FAM171A1: variants seen among roughly 807,000 people sequenced by gnomAD.
FAM171A1 encodes the protein family with sequence similarity 171 member A1, also known as protein FAM171A1.
FAM171A1 carries 23 observed loss-of-function variants against 74.9 expected under a neutral mutation model. The observed-to-expected ratio is 0.31, with a 90% confidence interval of 0.22 to 0.44. The LOEUF (loss-of-function observed/expected upper bound fraction) is 0.44, where lower values mean the gene tolerates loss of function less well. Among genes scored for constraint, FAM171A1 ranks in the 20% least tolerant of loss-of-function variants. The pLI, the probability that FAM171A1 is intolerant of heterozygous loss-of-function variation, is 1.00. For synonymous variants in FAM171A1, 527 were observed against 505.7 expected, an observed-to-expected ratio of 1.04 and a Z score of -0.57; for missense variants, 1,162 against 1,159.2, an observed-to-expected ratio of 1.00 and a Z score of -0.03.
intron 1 of FAM171A1, among the ~76,000 whole-genome samples, chr10:15,329,345 C>A (rs970851495): frequency 6.6e-6 from 1 of 152,176 alleles, no homozygotes; most frequent in Non-Finnish European, 1.5e-5. Context: ...AGGTGAAATT[C>A]AATTCAGAAT....
At chr10:15,359,617 A>C (rs1255752216) in intron 1 of FAM171A1, among the ~76,000 whole-genome samples, 2 of 152,172 alleles carry the variant, frequency 1.3e-5, no homozygotes, top group African/African-American at 4.8e-5. Context: ...CATTGTGTTA[A>C]AAAGGGACTG....
intron 6 of FAM171A1, 22 bp downstream of exon 6, chr10:15,220,922 G>T: frequency 6.4e-7 from 1 of 1,573,230 alleles, no homozygotes. Context: ...CCGCATCATC[G>T]CAAGTGTTGG....
intron 1 of FAM171A1, among the ~76,000 whole-genome samples, chr10:15,302,743 AG>A (rs567225221): frequency 2.2e-4 from 33 of 152,358 alleles, no homozygotes; most frequent in African/African-American, 7.0e-4. Flanking sequence ...TATGCTAATT[AG>A]GTTGCCAGTT....
At chr10:15,234,685 C>G (rs1757136148) in intron 5 of FAM171A1, among the ~76,000 whole-genome samples, 1 of 150,812 alleles carries the variant, frequency 6.6e-6, no homozygotes, top group African/African-American at 2.4e-5. Flanking sequence ...CGGAGTCTTG[C>G]TCTGTCGCCC....
chr10:15,363,895 C>A (rs1400311165), intron 1 of FAM171A1, among the ~76,000 whole-genome samples: 1 of 152,200 alleles, frequency 6.6e-6, no homozygotes, highest in Non-Finnish European at 1.5e-5. Context: ...CAGCGCTCCT[C>A]CCTCATCAGC....
At chr10:15,269,112 A>C (rs1462660653) in intron 3 of FAM171A1, among the ~76,000 whole-genome samples, 1 of 152,032 alleles carries the variant, frequency 6.6e-6, no homozygotes, top group African/African-American at 2.4e-5. Flanking sequence ...TTTTTTATTT[A>C]TTTATTTATT....
chr10:15,357,818 T>C (rs1835951579), intron 1 of FAM171A1, among the ~76,000 whole-genome samples: 1 of 152,164 alleles, frequency 6.6e-6, no homozygotes, highest in Non-Finnish European at 1.5e-5. Context: ...CTAAGTGATG[T>C]GTATGGGTAT....
chr10:15,357,364 A>G (rs533391019), intron 1 of FAM171A1, among the ~76,000 whole-genome samples: 127 of 152,358 alleles, frequency 8.3e-4, no homozygotes, highest in Middle Eastern at 3.4e-3. Context: ...AATAAACCAG[A>G]GTACCAGAGT....
chr10:15,322,128 C>T (rs1835494233), intron 1 of FAM171A1, among the ~76,000 whole-genome samples: 1 of 152,174 alleles, frequency 6.6e-6, no homozygotes, highest in Non-Finnish European at 1.5e-5. Flanking sequence ...CTTTTAAACC[C>T]TTTGCAGAGA....
At chr10:15,261,930 C>T (rs1343800661) in intron 3 of FAM171A1, among the ~76,000 whole-genome samples, 1 of 152,068 alleles carries the variant, frequency 6.6e-6, no homozygotes, top group Non-Finnish European at 1.5e-5. Context: ...ATAGCCTGGG[C>T]AACATAGACC....
chr10:15,348,518 G>C (rs535334216), intron 1 of FAM171A1, among the ~76,000 whole-genome samples: 1 of 152,308 alleles, frequency 6.6e-6, no homozygotes, highest in East Asian at 1.9e-4. Flanking sequence ...AGAACTGACT[G>C]CAGTGTAACT....
At chr10:15,327,753 G>C (rs1317275729) in intron 1 of FAM171A1, among the ~76,000 whole-genome samples, 4 of 151,984 alleles carry the variant, frequency 2.6e-5, no homozygotes, top group African/African-American at 9.7e-5. Flanking sequence ...GGAAATAACA[G>C]ACACATGGGC....
intron 5 of FAM171A1, among the ~76,000 whole-genome samples, chr10:15,226,799 GT>G (rs1834113797): frequency 1.3e-5 from 2 of 151,994 alleles, no homozygotes; most frequent in South Asian, 4.2e-4. Flanking sequence ...CTACCCTCAT[GT>G]TTATTTCCCT....
intron 2 of FAM171A1, among the ~76,000 whole-genome samples, chr10:15,278,500 C>A (rs1834923646): frequency 6.6e-6 from 1 of 152,142 alleles, no homozygotes; most frequent in Non-Finnish European, 1.5e-5. Context: ...AGACAACACA[C>A]GTAAATGTCT....
chr10:15,326,533 C>T (rs1245234504), intron 1 of FAM171A1, among the ~76,000 whole-genome samples: 2 of 151,836 alleles, frequency 1.3e-5, no homozygotes, highest in South Asian at 2.1e-4. Context: ...CAGGCGGTCT[C>T]GAACTCCTGA....
chr10:15,265,007 A>G (rs192658075), intron 3 of FAM171A1, among the ~76,000 whole-genome samples: 1 of 152,270 alleles, frequency 6.6e-6, no homozygotes, highest in East Asian at 1.9e-4. Flanking sequence ...ATACAATTAA[A>G]CATGATTAAG....
chr10:15,265,257 G>A (rs1264070148), intron 3 of FAM171A1, among the ~76,000 whole-genome samples: 1 of 151,640 alleles, frequency 6.6e-6, no homozygotes. Flanking sequence ...GTGTGCGTGT[G>A]TGTGTGTGTG....
intron 1 of FAM171A1, among the ~76,000 whole-genome samples, chr10:15,343,412 G>T (rs2131872371): frequency 6.6e-6 from 1 of 152,252 alleles, no homozygotes; most frequent in East Asian, 1.9e-4. Flanking sequence ...TGCAATCCAG[G>T]GCGGGAAGTG....
intron 1 of FAM171A1, among the ~76,000 whole-genome samples, chr10:15,328,770 A>G (rs1835589661): frequency 1.3e-5 from 2 of 152,154 alleles, no homozygotes; most frequent in African/African-American, 2.4e-5. Context: ...CCTGGCAACC[A>G]TCCTTACCTC....
Sources: allele counts gnomAD v4.1 joint callset (sites outside exome capture counted in the v4.1 genomes callset), GRCh38; gene constraint gnomAD v4.1.1; transcripts MANE v1.5; gene names NCBI Gene and HGNC (gene_info 2026-07-23, HGNC 2026-07-21).